The following TRAPPC9 variants were observed in gnomAD, a reference collection of about 807,000 sequenced individuals.
TRAPPC9 encodes the protein IKK2 binding protein.
A neutral mutation model predicts 124.0 loss-of-function variants in TRAPPC9; 83 were observed. That is an observed-to-expected ratio of 0.67 (90% CI 0.56 to 0.80). The LOEUF is 0.80. Ranked by LOEUF, TRAPPC9 falls within the 30% of genes least tolerant of loss-of-function variation. The pLI is 0.00. For synonymous variants in TRAPPC9, 638 were observed against 617.5 expected, an observed-to-expected ratio of 1.03 and a Z score of -0.49; for missense variants, 1,302 against 1,508.3, an observed-to-expected ratio of 0.86 and a Z score of 2.27.
intron 17 of TRAPPC9, among the ~76,000 whole-genome samples, chr8:140,080,322 C>G (rs1448565687): frequency 1.3e-5 from 2 of 152,234 alleles, no homozygotes; most frequent in African/African-American, 4.8e-5. Context: ...ACGCCACACT[C>G]ATTCTTGTCT....
At chr8:140,175,567 A>C (rs1006802191) in intron 17 of TRAPPC9, among the ~76,000 whole-genome samples, 1 of 152,242 alleles carries the variant, frequency 6.6e-6, no homozygotes, top group African/African-American at 2.4e-5. Context: ...CTTGCTGACA[A>C]GACCAATTCT....
At chr8:140,030,241 T>C (rs553756761) in intron 17 of TRAPPC9, among the ~76,000 whole-genome samples, 17 of 152,320 alleles carry the variant, frequency 1.1e-4, no homozygotes, top group African/African-American at 4.1e-4. Context: ...GATGTAGCTG[T>C]AATAATTTTT....
At chr8:140,191,566 C>T (rs2062492743) in intron 17 of TRAPPC9, among the ~76,000 whole-genome samples, 1 of 152,162 alleles carries the variant, frequency 6.6e-6, no homozygotes, top group Non-Finnish European at 1.5e-5. Context: ...CCATGTGACA[C>T]GTCGGCTCTG....
intron 5 of TRAPPC9, among the ~76,000 whole-genome samples, chr8:140,407,703 C>G (rs1021383284): frequency 2.0e-5 from 3 of 152,128 alleles, no homozygotes; most frequent in Non-Finnish European, 4.4e-5. Context: ...CGCTACAACC[C>G]CCCTCCTCGC....
chr8:139,833,772 G>A (rs373688610), intron 21 of TRAPPC9, among the ~76,000 whole-genome samples: 8 of 152,222 alleles, frequency 5.3e-5, no homozygotes, highest in South Asian at 2.1e-4. Flanking sequence ...AGGTGTGCCC[G>A]TCATTGGACT....
intron 10 of TRAPPC9, among the ~76,000 whole-genome samples, chr8:140,310,838 T>C (rs1337004839): frequency 6.6e-6 from 1 of 150,924 alleles, no homozygotes; most frequent in Non-Finnish European, 1.5e-5. Context: ...GGCAAGTGCT[T>C]GTGTGGGCGA....
intron 15 of TRAPPC9, among the ~76,000 whole-genome samples, chr8:140,263,083 G>C (rs949479977): frequency 6.6e-6 from 1 of 152,210 alleles, no homozygotes; most frequent in Admixed American, 6.5e-5. Flanking sequence ...GGTGTCCCCA[G>C]TGCCCGATAC....
chr8:140,404,946 G>GTGTGTGTGTGTGTGTC (rs910246104), intron 6 of TRAPPC9, among the ~76,000 whole-genome samples: 9 of 150,882 alleles, frequency 6.0e-5, no homozygotes, highest in Non-Finnish European at 1.2e-4. Flanking sequence ...GTGTGTGTGT[G>GTGTGTGTGTGTGTGTC]TCTCATAGGC....
intron 21 of TRAPPC9, among the ~76,000 whole-genome samples, chr8:139,754,268 C>T (rs1488409993): frequency 6.6e-6 from 1 of 152,244 alleles, no homozygotes. Context: ...AAGCTCTTTC[C>T]CCTTTGACTG....
chr8:139,756,040 G>T (rs1819740140), intron 21 of TRAPPC9, among the ~76,000 whole-genome samples: 1 of 129,202 alleles, frequency 7.7e-6, no homozygotes. Flanking sequence ...AGGAGCCAGG[G>T]ATTAGGGATG....
At chr8:140,405,537 A>C in intron 6 of TRAPPC9, 40 bp downstream of exon 6, 1 of 1,612,162 alleles carries the variant, frequency 6.2e-7, no homozygotes, top group South Asian at 1.1e-5. Context: ...TGATTAAACA[A>C]CACAACTGTG....
chr8:139,779,541 G>A (rs1056644340), intron 21 of TRAPPC9, among the ~76,000 whole-genome samples: 2 of 152,226 alleles, frequency 1.3e-5, no homozygotes, highest in East Asian at 3.9e-4. Context: ...TAAAACGTAT[G>A]ACGACAATAG....
chr8:140,170,429 T>A (rs895377769), intron 17 of TRAPPC9, among the ~76,000 whole-genome samples: 1 of 152,226 alleles, frequency 6.6e-6, no homozygotes, highest in Non-Finnish European at 1.5e-5. Context: ...GTGTGTCTGA[T>A]CCCAAATTCC....
At chr8:140,354,218 C>G (rs1329750383) in intron 9 of TRAPPC9, among the ~76,000 whole-genome samples, 1 of 152,172 alleles carries the variant, frequency 6.6e-6, no homozygotes, top group Non-Finnish European at 1.5e-5. Flanking sequence ...GACTCCCATG[C>G]AGTTCACAGG....
intron 10 of TRAPPC9, among the ~76,000 whole-genome samples, chr8:140,306,983 C>T (rs1265100404): frequency 6.6e-6 from 1 of 152,176 alleles, no homozygotes. Context: ...TGCCTCTTCT[C>T]CTGTGCCCAG....
At chr8:140,012,170 A>G (rs1471606616) in intron 18 of TRAPPC9, among the ~76,000 whole-genome samples, 4 of 151,774 alleles carry the variant, frequency 2.6e-5, no homozygotes, top group East Asian at 3.9e-4. Context: ...AAGTGGGGGG[A>G]AAAAACGTAT....
At chr8:139,739,207 C>T (rs117134915) in intron 21 of TRAPPC9, among the ~76,000 whole-genome samples, 8,676 of 152,030 alleles carry the variant, frequency 0.057, 351 homozygotes, top group Admixed American at 0.13. Context: ...GGCAGCAGCT[C>T]AAGCTGGGTC....
intron 19 of TRAPPC9, among the ~76,000 whole-genome samples, chr8:139,960,228 A>G (rs1412295439): frequency 1.3e-5 from 2 of 152,084 alleles, no homozygotes; most frequent in Non-Finnish European, 2.9e-5. Context: ...CTGTCCACAG[A>G]CAATGGCCTG....
At chr8:140,298,945 G>A (rs2065888165) in intron 11 of TRAPPC9, among the ~76,000 whole-genome samples, 1 of 152,246 alleles carries the variant, frequency 6.6e-6, no homozygotes, top group African/African-American at 2.4e-5. Flanking sequence ...AGGTGATATT[G>A]CAGGACAAAG....
Sources: allele counts gnomAD v4.1 joint callset (sites outside exome capture counted in the v4.1 genomes callset), GRCh38; gene constraint gnomAD v4.1.1; transcripts MANE v1.5; gene names NCBI Gene and HGNC (gene_info 2026-07-23, HGNC 2026-07-21).